Variants in ANKS1B observed in about 807,000 individuals in gnomAD.
ANKS1B encodes the protein ankyrin repeat and sterile alpha motif domain containing 1B, also known as ankyrin repeat and sterile alpha motif domain-containing protein 1B.
Under a neutral mutation model 148.3 loss-of-function variants are expected in ANKS1B, and 36 were observed. The observed-to-expected ratio is 0.24, with a 90% CI of 0.19 to 0.32. The LOEUF (loss-of-function observed/expected upper bound fraction) is 0.32. Among genes scored for constraint, ANKS1B ranks in the 10% least tolerant of loss-of-function variants. The pLI is 1.00. For synonymous variants in ANKS1B, 542 were observed against 560.8 expected, an observed-to-expected ratio of 0.97 and a Z score of 0.47; for missense variants, 1,157 against 1,542.6, an observed-to-expected ratio of 0.75 and a Z score of 4.19.
At chr12:99,543,758 G>A (rs2097148523) in intron 9 of ANKS1B, among the ~76,000 whole-genome samples, 1 of 151,918 alleles carries the variant, frequency 6.6e-6, no homozygotes, top group African/African-American at 2.4e-5. Flanking sequence ...GATAGAAAAG[G>A]CCACATATTA....
chr12:99,795,547 G>A (rs750617044), intron 4 of ANKS1B, among the ~76,000 whole-genome samples: 2 of 151,934 alleles, frequency 1.3e-5, no homozygotes, highest in Admixed American at 6.6e-5. Context: ...GATGCAAGAA[G>A]TAATGATAAA....
At chr12:99,476,337 G>A (rs1397463041) in intron 10 of ANKS1B, among the ~76,000 whole-genome samples, 1 of 152,132 alleles carries the variant, frequency 6.6e-6, no homozygotes, top group Non-Finnish European at 1.5e-5. Flanking sequence ...AGGTTGCAGT[G>A]AGCAGAGATT....
At position 99,745,747 on chromosome 12, in the gene ANKS1B, G is replaced by A. The variant is rs765537990; in HGVS notation, c.1128+27175C>T. ...TTTTATTATTTTTAAAAATCTAATT[G>A]ATTTAAATTAAATGCCATGTTTCAT... is the stretch of plus-strand genomic sequence containing the variant. On this transcript the variant is annotated intron_variant, in intron 8 of 26. Coordinates refer to ENST00000683438, the MANE Select transcript of ANKS1B (RefSeq NM_001352186.2). 7.2e-5 allele frequency among the ~76,000 whole-genome samples: 11 copies of A among 151,798 alleles called. No individual in the cohort carries two copies. In the South Asian group the frequency reaches 8.3e-4, roughly 11 times the overall value.
chr12:99,400,320 C>A (rs1177759148), intron 11 of ANKS1B, among the ~76,000 whole-genome samples: 1 of 146,008 alleles, frequency 6.8e-6, no homozygotes, highest in East Asian at 1.9e-4. Context: ...GGAATTTTAT[C>A]ATCAGAATTA....
intron 9 of ANKS1B, among the ~76,000 whole-genome samples, chr12:99,539,971 A>G (rs1377317051): frequency 6.6e-6 from 1 of 152,198 alleles, no homozygotes; most frequent in African/African-American, 2.4e-5. Context: ...TATGAAAAAA[A>G]GATACATCAT....
chr12:99,295,896 C>A (rs1312909833), intron 12 of ANKS1B, among the ~76,000 whole-genome samples: 2 of 152,130 alleles, frequency 1.3e-5, no homozygotes, highest in Non-Finnish European at 2.9e-5. Context: ...GCTAAGGTGT[C>A]ATTTTTAAGA....
chr12:98,795,724 C>T, intron 22 of ANKS1B: 2 of 433,586 alleles, frequency 4.6e-6, no homozygotes, highest in Non-Finnish European at 9.1e-6. Flanking sequence ...AATGAATGTT[C>T]CTGGCACATT....
At chr12:99,565,459 A>G (rs2097380009) in intron 9 of ANKS1B, among the ~76,000 whole-genome samples, 1 of 152,200 alleles carries the variant, frequency 6.6e-6, no homozygotes, top group African/African-American at 2.4e-5. Flanking sequence ...CTAATGGGGG[A>G]AAATGAAAAG....
At chr12:99,625,350 T>G (rs1346428137) in intron 9 of ANKS1B, among the ~76,000 whole-genome samples, 1 of 152,088 alleles carries the variant, frequency 6.6e-6, no homozygotes, top group Non-Finnish European at 1.5e-5. Context: ...AATATATTCT[T>G]GTAGCAAATC....
chr12:98,953,537 GTTTTTTTTTTTTTTT>G (rs1166158783), intron 17 of ANKS1B, among the ~76,000 whole-genome samples: 4 of 57,424 alleles, frequency 7.0e-5, no homozygotes, highest in East Asian at 6.4e-4. Flanking sequence ...ATCTAGAGTG[GTTTTTTTTTTTTTTT>G]TTTTTTTTTT....
At chr12:98,825,368 T>G (rs1403504687) in intron 19 of ANKS1B, among the ~76,000 whole-genome samples, 1 of 152,212 alleles carries the variant, frequency 6.6e-6, no homozygotes, top group African/African-American at 2.4e-5. Flanking sequence ...TGAGAAATAT[T>G]AAGCTTGCAA....
intron 1 of ANKS1B, among the ~76,000 whole-genome samples, chr12:99,979,646 A>AGTTTTCTTTTTTTGT (rs2095669666): frequency 6.6e-6 from 1 of 152,132 alleles, no homozygotes; most frequent in Non-Finnish European, 1.5e-5. Context: ...GGAATTACCA[A>AGTTTTCTTTTTTTGT]TGGCTCACTG....
rs564285846 is a variant in ANKS1B at position 99,398,129 on chromosome 12, T to C, written c.1756+1502A>G. On this transcript the variant is annotated intron_variant, in intron 12 of 26. Coordinates refer to ENST00000683438, the MANE Select transcript of ANKS1B (RefSeq NM_001352186.2). ...AGAAGACATGGGAACATTTTAAGCA[T>C]GGTAATGACATGCTTTGATTTACAT... 5.3e-5 allele frequency among the ~76,000 whole-genome samples: 8 copies of C among 152,276 alleles called. No homozygotes were observed. In the East Asian group the frequency reaches 9.6e-4, roughly 18 times the overall value.
At chr12:99,294,919 T>C (rs993550968) in intron 12 of ANKS1B, among the ~76,000 whole-genome samples, 2 of 152,132 alleles carry the variant, frequency 1.3e-5, no homozygotes, top group Non-Finnish European at 2.9e-5. Context: ...TCCCAAAGAA[T>C]TATTGCACAT....
At chr12:99,508,708 T>C (rs1233958628) in intron 9 of ANKS1B, among the ~76,000 whole-genome samples, 1 of 151,840 alleles carries the variant, frequency 6.6e-6, no homozygotes, top group Non-Finnish European at 1.5e-5. Context: ...TTTTTGTTCA[T>C]ATATTTTGTT....
intron 9 of ANKS1B, among the ~76,000 whole-genome samples, chr12:99,515,533 C>T (rs2096809180): frequency 6.6e-6 from 1 of 152,136 alleles, no homozygotes; most frequent in Non-Finnish European, 1.5e-5. Context: ...AATAGGTACT[C>T]TGCTGTGTAT....
chr12:99,853,112 T>C (rs2088258124), intron 1 of ANKS1B, among the ~76,000 whole-genome samples: 1 of 152,084 alleles, frequency 6.6e-6, no homozygotes, highest in African/African-American at 2.4e-5. Flanking sequence ...TGCCCCAACC[T>C]GGTGGTGTTT....
chr12:98,850,459 ATTTTTTTTTTT>A (rs59294440), intron 17 of ANKS1B, among the ~76,000 whole-genome samples: 1 of 70,486 alleles, frequency 1.4e-5, no homozygotes, highest in Non-Finnish European at 2.5e-5. Context: ...GAAGCATTGC[ATTTTTTTTTTT>A]TTTTTTTTTT....
intron 17 of ANKS1B, among the ~76,000 whole-genome samples, chr12:98,984,120 C>T (rs1000840674): frequency 2.6e-5 from 4 of 152,272 alleles, no homozygotes; most frequent in Non-Finnish European, 4.4e-5. Flanking sequence ...TTGAGATAAT[C>T]CCTTCTCTAT....
Sources: allele counts gnomAD v4.1 joint callset (sites outside exome capture counted in the v4.1 genomes callset), GRCh38; gene constraint gnomAD v4.1.1; transcripts MANE v1.5; gene names NCBI Gene and HGNC (gene_info 2026-07-23, HGNC 2026-07-21).